ERF: variants seen among roughly 807,000 people sequenced by gnomAD.
The protein encoded by ERF is ETS domain-containing transcription factor ERF.
Under a neutral mutation model 41.6 loss-of-function variants are expected in ERF, and 10 were observed. The ratio of observed to expected loss-of-function variants is 0.24; its 90% confidence interval spans 0.15 to 0.41. ERF has a LOEUF of 0.41. ERF is among the 10% of genes least tolerant of loss of function. ERF has a pLI of 1.00. For missense variants in ERF, 621 were observed against 763.2 expected (o/e 0.81, Z 2.19); for synonymous variants, 395 against 342.4 (o/e 1.15, Z -1.70).
Position 42,250,693 on chromosome 19 carries a change from G to A in ERF, c.23-128C>T. 3 of 899,176 alleles carry A rather than the reference G, an allele frequency of 3.3e-6. No homozygotes were observed. The highest frequency in any genetic ancestry group is 3.4e-4 in the Middle Eastern group (1 of 2,926). 55.7% of individuals were successfully genotyped at this position (899,176 alleles called of 1,614,324 possible). A position where few individuals can be genotyped will look rare whatever the true frequency, so the allele number is the denominator to read the frequency against. On this transcript the variant is annotated intron_variant, in intron 1 of 3. Coordinates refer to ENST00000222329, the MANE Select transcript of ERF (RefSeq NM_006494.4). The surrounding 1 kb of genome is among the most constrained non-coding windows in gnomAD (Gnocchi z 5.1). ...ATCTGTCTCACCTCAGCCAAGTCAA[G>A]ATCTGATTTAAGAGAAGACAGTGCG...
At position 42,250,265 on chromosome 19, in the gene ERF, G is replaced by A. The variant is rs2036421631; in HGVS notation, c.257+66C>T. Reference sequence around the variant, plus strand: ...TCAGACCCAATGCTTGTTCCCACAGGCAAGGGGCTGTGCAACCCCGGGGGG... The same window carrying A: ...TCAGACCCAATGCTTGTTCCCACAGACAAGGGGCTGTGCAACCCCGGGGGG... On this transcript the variant is annotated intron_variant, in intron 2 of 3. Coordinates refer to ENST00000222329, the MANE Select transcript of ERF (RefSeq NM_006494.4). The surrounding 1 kb of genome is among the most constrained non-coding windows in gnomAD (Gnocchi z 5.1). 5.2e-6 allele frequency: 8 copies of A among 1,551,362 alleles called. No homozygotes were observed. Among genetic ancestry groups the A allele is most frequent in the Non-Finnish European group, 7.0e-6 (8 of 1,136,772 alleles).
rs2036424919 is a variant in ERF, at chr19:42,250,390, C to T, written c.198G>A (p.Leu66=). 1.2e-6 allele frequency: 2 copies of T among 1,613,792 alleles called. No individual in the cohort carries two copies. Among genetic ancestry groups the T allele is most frequent in the Admixed American group, 1.7e-5 (1 of 60,012 alleles). ...VIKDPDEVAR[L]WGVRKCKPQM... The stretch of plus-strand genomic sequence containing the variant: ...GGGGCTTGCACTTGCGAACGCCCCA[C>T]AGCCGGGCCACCTCATCAGGGTCTT... The change falls in exon 2 of 4, where the codon CTG becomes CTA. Residue 66 remains leucine (L), a synonymous_variant. Transcript: ENST00000222329. The surrounding 1 kb of genome is among the most constrained non-coding windows in gnomAD (Gnocchi z 5.1).
chr19:42,249,566 G>A lies in ERF; in HGVS notation c.546C>T (p.Gly182=). 5.0e-6 allele frequency: 8 copies of A among 1,613,544 alleles called. No homozygotes were observed. The highest frequency in any genetic ancestry group is 6.8e-6 in the Non-Finnish European group (8 of 1,179,984). ...CACTACAGTCACTGACTGAGCCTCGGCCCAGGCGGCGGGCCACCACAGCCG... is the reference window on the plus strand; with the variant it reads ...CACTACAGTCACTGACTGAGCCTCGACCCAGGCGGCGGGCCACCACAGCCG... ...LFSAVVARRL[G]RGSVSDCSDG... is the part of the protein sequence containing the mutation. The change falls in exon 4 of 4, where the codon GGC becomes GGT. Residue 182 remains glycine (G), a synonymous_variant. Transcript: ENST00000222329. The surrounding 1 kb of genome is among the most constrained non-coding windows in gnomAD (Gnocchi z 8.6).
At chr19:42,252,375 C>A (rs907471649) in intron 1 of ERF, among the ~76,000 whole-genome samples, 5 of 151,938 alleles carry the variant, frequency 3.3e-5, no homozygotes, top group Admixed American at 2.0e-4. Context: ...TCCCAGCCCA[C>A]CCGCCCCAGC....
Position 42,248,476 on chromosome 19 carries a change from G to T in ERF, c.1636C>A (p.Arg546=). The T allele has an allele frequency of 6.7e-7, 1 of 1,498,454 alleles. No homozygotes were observed. 92.8% of individuals were successfully genotyped at this position (1,498,454 alleles called of 1,614,324 possible). A position where few individuals can be genotyped will look rare whatever the true frequency, so the allele number is the denominator to read the frequency against. Reference sequence around the variant, plus strand: ...CCTGCCCACAGCCCTCAGGAGTCTCGGTGCTCCAGGGAGAGCTGGGCCGTG... The same window carrying T: ...CCTGCCCACAGCCCTCAGGAGTCTCTGTGCTCCAGGGAGAGCTGGGCCGTG... ...HATAQLSLEH[R]DS is the part of the protein sequence containing the mutation. Residue 546 remains arginine, a synonymous_variant, in exon 4 of 4, where the codon CGA becomes AGA. Transcript: ENST00000222329. This position sits in a 1 kb window ranked among gnomAD's most constrained non-coding sequence, Gnocchi z 4.2.
rs1030636513 is a variant in ERF, at chr19:42,249,534, G to A, written c.578C>T (p.Thr193Met). 3.1e-6 allele frequency: 5 copies of A among 1,613,218 alleles called. No homozygotes were observed. The highest frequency in any genetic ancestry group is 2.2e-5 in the East Asian group (1 of 44,892). ...TCCCAGCGGTTCCTCCAGCTCTGAC[G>A]TGCCATCACTACAGTCACTGACTGA... Reference protein sequence around the residue: ...RGSVSDCSDGTSELEEPLGED... With the variant: ...RGSVSDCSDGMSELEEPLGED... The change falls in exon 4 of 4, where the codon ACG (threonine) becomes ATG (methionine). Residue 193 changes from threonine (T) to methionine (M), a missense_variant. Thr to Met is a moderately conservative substitution (Grantham distance 81, BLOSUM62 -1). This residue lies in a region of ERF where 569 missense variants were observed against 625.5 expected (regional missense o/e 0.91). Transcript: ENST00000222329. The surrounding 1 kb of genome is among the most constrained non-coding windows in gnomAD (Gnocchi z 8.6).
At position 42,249,766 on chromosome 19, in the gene ERF, C is replaced by T; in HGVS notation, c.374-28G>A. 6.2e-7 allele frequency: 1 copy of T among 1,613,170 alleles called. No individual in the cohort carries two copies. On this transcript the variant is annotated intron_variant, in intron 3 of 3. Coordinates refer to ENST00000222329, the MANE Select transcript of ERF (RefSeq NM_006494.4). The surrounding 1 kb of genome is among the most constrained non-coding windows in gnomAD (Gnocchi z 8.6). ...GGCAGAAGGGAGACAGTGTCAAGGCCCCTGGCCTAGCCTGAAGGGGCATGT... is the reference window on the plus strand; with the variant it reads ...GGCAGAAGGGAGACAGTGTCAAGGCTCCTGGCCTAGCCTGAAGGGGCATGT...
intron 1 of ERF, chr19:42,251,384 T>C: frequency 3.1e-6 from 3 of 975,480 alleles, no homozygotes; most frequent in Non-Finnish European, 3.6e-6. Flanking sequence ...ACCCCCAGCA[T>C]TAACCTTGGG....
In ERF at chr19:42,248,489, G is replaced by A; in HGVS notation, c.1623C>T (p.Leu541=). ...SSDLQHATAQ[L]SLEHRDS is the part of the protein sequence containing the mutation. ...CTCAGGAGTCTCGGTGCTCCAGGGA[G>A]AGCTGGGCCGTGGCATGCTGGAGGT... The change falls in exon 4 of 4, where the codon CTC becomes CTT. Residue 541 remains leucine (L), a synonymous_variant. Coordinates refer to ENST00000222329, the MANE Select transcript of ERF (RefSeq NM_006494.4). The surrounding 1 kb of genome is among the most constrained non-coding windows in gnomAD (Gnocchi z 4.2). 1 of 1,509,638 alleles carries A rather than the reference G, an allele frequency of 6.6e-7. No individual in the cohort carries two copies. The highest frequency in any genetic ancestry group is 8.8e-7 in the Non-Finnish European group (1 of 1,130,554). 93.5% of individuals were successfully genotyped at this position (1,509,638 alleles called of 1,614,324 possible).
chr19:42,248,651 G>GCGC lies in ERF; in HGVS notation c.1458_1460dup (p.Arg487dup). On this transcript the variant is annotated inframe_insertion, in exon 4 of 4. Coordinates refer to ENST00000222329, the MANE Select transcript of ERF (RefSeq NM_006494.4). The surrounding 1 kb of genome is among the most constrained non-coding windows in gnomAD (Gnocchi z 4.2). ...CTTCGAGGCGACAGTCTTCACTCCA[G>GCGC]CGCCGCTTAAAGCGTAGCTTGAGGG... is the stretch of plus-strand genomic sequence containing the variant. 1.2e-6 allele frequency: 2 copies of GCGC among 1,600,940 alleles called. No homozygotes were observed. The highest frequency in any genetic ancestry group is 1.7e-6 in the Non-Finnish European group (2 of 1,171,298).
rs778319851 is a variant in ERF, at chr19:42,249,125, G to A, written c.987C>T (p.Arg329=). 43 of 1,613,796 alleles carry A rather than the reference G, an allele frequency of 2.7e-5. No individual in the cohort carries two copies. Among genetic ancestry groups the A allele is most frequent in the East Asian group, 1.3e-4 (6 of 44,882 alleles). Reference sequence around the variant, plus strand: ...CCAGCCCAGGGTAGTGCAGGAAGGCGCGGGGGCTGAGGTGGTAGTTGTAGA... The same window carrying A: ...CCAGCCCAGGGTAGTGCAGGAAGGCACGGGGGCTGAGGTGGTAGTTGTAGA... ...QSVYNYHLSP[R]AFLHYPGLVV... Residue 329 remains arginine (R), a synonymous_variant, in exon 4 of 4, where the codon CGC becomes CGT. Coordinates refer to ENST00000222329, the MANE Select transcript of ERF (RefSeq NM_006494.4). The surrounding 1 kb of genome is among the most constrained non-coding windows in gnomAD (Gnocchi z 8.6).
intron 1 of ERF, among the ~76,000 whole-genome samples, chr19:42,251,968 C>T (rs2036452640): frequency 6.6e-6 from 1 of 152,106 alleles, no homozygotes; most frequent in Admixed American, 6.5e-5. Context: ...AGGGATATGA[C>T]CTCCAGCTGT....
At chr19:42,253,246 G>A (rs991602325) in intron 1 of ERF, among the ~76,000 whole-genome samples, 5 of 152,154 alleles carry the variant, frequency 3.3e-5, no homozygotes, top group Non-Finnish European at 5.9e-5. Context: ...CCCCACTCCA[G>A]GCGGCCCTCT....
chr19:42,253,816 G>T, intron 1 of ERF: 1 of 962,230 alleles, frequency 1.0e-6, no homozygotes, highest in Non-Finnish European at 1.2e-6. Context: ...ATGGGGTGGG[G>T]TGGGTGGGCC....
At position 42,249,573 on chromosome 19, in the gene ERF, C is replaced by T; in HGVS notation, c.539G>A (p.Arg180His). Reference protein sequence around the residue: ...SSLFSAVVARRLGRGSVSDCS... With the variant: ...SSLFSAVVARHLGRGSVSDCS... ...GTCACTGACTGAGCCTCGGCCCAGG[C>T]GGCGGGCCACCACAGCCGAGAAGAG... The change falls in exon 4 of 4, where the codon CGC (arginine) becomes CAC (histidine). Residue 180 changes from arginine (R) to histidine (H), a missense_variant. Arg to His is a conservative substitution (Grantham distance 29). Around this residue, in one of 3 missense-constraint regions of ERF, gnomAD observed 569 missense variants for 625.5 expected, o/e 0.91. Coordinates refer to ENST00000222329, the MANE Select transcript of ERF (RefSeq NM_006494.4). This position sits in a 1 kb window ranked among gnomAD's most constrained non-coding sequence, Gnocchi z 8.6. The T allele has an allele frequency of 6.2e-7, 1 of 1,613,412 alleles. No homozygotes were observed. The highest frequency in any genetic ancestry group is 1.3e-5 in the African/African-American group (1 of 74,996).
In ERF at chr19:42,249,837, C is replaced by T; in HGVS notation, c.363G>A (p.Val121=). 1 of 1,614,170 alleles carries T rather than the reference C, an allele frequency of 6.2e-7. No homozygotes were observed. Among genetic ancestry groups the T allele is most frequent in the Non-Finnish European group, 8.5e-7 (1 of 1,180,016 alleles). ...LVLVNYPFID[V]GLAGGAVPQS... is the part of the protein sequence containing the mutation. ...ATCCCTGGTACTCACCAGCCAACCC[C>T]ACATCAATGAATGGGTAATTGACCA... Residue 121 remains valine, a synonymous_variant, in exon 3 of 4, where the codon GTG becomes GTA. Coordinates refer to ENST00000222329, the MANE Select transcript of ERF (RefSeq NM_006494.4). The surrounding 1 kb of genome is among the most constrained non-coding windows in gnomAD (Gnocchi z 8.6).
chr19:42,253,811 G>A (rs1161542567), intron 1 of ERF: 7 of 929,040 alleles, frequency 7.5e-6, no homozygotes, highest in African/African-American at 1.8e-5. Flanking sequence ...TGGGGATGGG[G>A]TGGGGTGGGT....
intron 1 of ERF, among the ~76,000 whole-genome samples, chr19:42,253,657 C>T (rs1193681502): frequency 2.0e-5 from 3 of 151,942 alleles, no homozygotes; most frequent in African/African-American, 7.3e-5. Context: ...TACCGCACTC[C>T]GCACCCCGGC....
chr19:42,253,938 C>A (rs970780265), intron 1 of ERF: 15 of 1,032,026 alleles, frequency 1.5e-5, no homozygotes, highest in Non-Finnish European at 1.7e-5. Context: ...TCCCCCTCCC[C>A]CGTCCCCGCC....
Sources: allele counts gnomAD v4.1 joint callset (sites outside exome capture counted in the v4.1 genomes callset), GRCh38; gene constraint gnomAD v4.1.1; regional missense constraint gnomAD v4.1.1; non-coding constraint Gnocchi (gnomAD v3.1); transcripts MANE v1.5; gene names NCBI Gene and HGNC (gene_info 2026-07-23, HGNC 2026-07-21).